TTC7B: variants seen among roughly 807,000 people sequenced by gnomAD.
TTC7B encodes the protein tetratricopeptide repeat domain 7B, also known as tetratricopeptide repeat protein 7B.
TTC7B carries 28 observed loss-of-function variants against 106.8 expected under a neutral mutation model. The observed-to-expected ratio is 0.26, with a 90% confidence interval of 0.19 to 0.36. The LOEUF is 0.36. Ranked by LOEUF, TTC7B falls within the 10% of genes least tolerant of loss-of-function variation. The pLI is 1.00. For synonymous variants in TTC7B, 405 were observed against 430.6 expected, an observed-to-expected ratio of 0.94 and a Z score of 0.74; for missense variants, 862 against 1,076.4, an observed-to-expected ratio of 0.80 and a Z score of 2.79.
chr14:90,604,188 C>T (rs879549669), intron 17 of TTC7B, among the ~76,000 whole-genome samples: 7 of 152,138 alleles, frequency 4.6e-5, no homozygotes, highest in Admixed American at 4.6e-4. Flanking sequence ...GGGAACATAC[C>T]ATGTTATTCT....
chr14:90,673,868 G>A (rs986251547), intron 9 of TTC7B, among the ~76,000 whole-genome samples: 2 of 152,090 alleles, frequency 1.3e-5, no homozygotes, highest in African/African-American at 4.8e-5. Context: ...ATATTTATAT[G>A]AAATACCCCA....
chr14:90,789,623 G>A (rs1006724395), intron 1 of TTC7B, among the ~76,000 whole-genome samples: 1 of 130,742 alleles, frequency 7.6e-6, no homozygotes, highest in East Asian at 2.1e-4. Context: ...TCAGCCGGGC[G>A]CGTGGCTCAC....
chr14:90,612,326 G>A (rs940846961), intron 16 of TTC7B, among the ~76,000 whole-genome samples: 7 of 152,210 alleles, frequency 4.6e-5, no homozygotes, highest in Non-Finnish European at 8.8e-5. Context: ...TCTGGCGCAG[G>A]TCTGTCCAGG....
In TTC7B at chr14:90,703,121, G is replaced by A. The variant is rs544423770; in HGVS notation, c.699-7543C>T. The stretch of plus-strand genomic sequence containing the variant: ...TCTGCTCCAGACCTGGCCAGAGCTG[G>A]AAGACAAGCATGAGGGCGGGGTCCC... On this transcript the variant is annotated intron_variant, in intron 5 of 19. Transcript: ENST00000328459. Among the ~76,000 whole-genome samples, 263 of 152,314 alleles carry A rather than the reference G, an allele frequency of 1.7e-3. 1 individual carries two copies. The highest frequency in any genetic ancestry group is 3.4e-3 in the Middle Eastern group (1 of 294).
chr14:90,556,871 T>C (rs1471053881), intron 19 of TTC7B, among the ~76,000 whole-genome samples: 1 of 152,026 alleles, frequency 6.6e-6, no homozygotes, highest in African/African-American at 2.4e-5. Flanking sequence ...CAGGGGAGAA[T>C]AGCAGGCCCA....
chr14:90,636,349 C>T (rs568964936), intron 15 of TTC7B, among the ~76,000 whole-genome samples: 22 of 144,962 alleles, frequency 1.5e-4, no homozygotes, highest in African/African-American at 5.1e-4. Context: ...TACCATAATA[C>T]ACAGCAACTC....
chr14:90,733,417 G>T (rs77621935), intron 4 of TTC7B, among the ~76,000 whole-genome samples: 11,949 of 152,238 alleles, frequency 0.078, 497 homozygotes, highest in East Asian at 0.16. Context: ...CACAAGGGCA[G>T]CCAGGAGGTG....
intron 3 of TTC7B, among the ~76,000 whole-genome samples, chr14:90,773,696 A>C (rs912537589): frequency 3.9e-5 from 6 of 152,218 alleles, no homozygotes; most frequent in African/African-American, 1.4e-4. Flanking sequence ...CTAACACTGA[A>C]CTTCATGCAG....
intron 3 of TTC7B, among the ~76,000 whole-genome samples, chr14:90,754,805 G>A (rs1027923152): frequency 6.6e-6 from 1 of 152,080 alleles, no homozygotes; most frequent in Non-Finnish European, 1.5e-5. Flanking sequence ...TCTTCTGGAT[G>A]GTTCACAGAA....
At position 90,530,015 on chromosome 14, in the gene TTC7B, T is replaced by C. The variant is rs1303913215; in HGVS notation, c.*11353A>G. On this transcript the variant is annotated 3_prime_UTR_variant, in exon 20 of 20. Coordinates refer to ENST00000328459, the MANE Select transcript of TTC7B (RefSeq NM_001010854.2). Reference sequence around the variant, plus strand: ...CGCTGTGGCTCACGCCTGTAAGTAATCCCAGCACTTTGGGAGGCCGAGGTG... The same window carrying C: ...CGCTGTGGCTCACGCCTGTAAGTAACCCCAGCACTTTGGGAGGCCGAGGTG... The C allele has an allele frequency of 6.6e-6, 1 of 152,238 alleles. No homozygotes were observed. The highest frequency in any genetic ancestry group is 6.5e-5 in the Admixed American group (1 of 15,280). 9.4% of individuals were successfully genotyped at this position (152,238 alleles called of 1,614,324 possible).
chr14:90,528,972 T>G lies in TTC7B; in HGVS notation c.*12396A>C, dbSNP rs1260814148. 6.4e-6 allele frequency: 1 copy of G among 155,138 alleles called. No individual in the cohort carries two copies. Among genetic ancestry groups the G allele is most frequent in the African/African-American group, 2.4e-5 (1 of 41,436 alleles). 9.6% of individuals were successfully genotyped at this position (155,138 alleles called of 1,614,324 possible). A position where few individuals can be genotyped will look rare whatever the true frequency, so the allele number is the denominator to read the frequency against. On this transcript the variant is annotated 3_prime_UTR_variant, in exon 20 of 20. Transcript: ENST00000328459. ...TTTGTTTCTGATGGTGTGACCTGAC[T>G]GCTTTGTTACCTGTTTCCAATGGCG...
intron 10 of TTC7B, chr14:90,658,096 T>C: frequency 3.5e-6 from 2 of 570,100 alleles, no homozygotes; most frequent in South Asian, 4.2e-5. Flanking sequence ...AAGACAAATA[T>C]TTCAGAATTT....
intron 2 of TTC7B, among the ~76,000 whole-genome samples, chr14:90,784,480 G>A (rs1432711805): frequency 2.0e-5 from 3 of 151,994 alleles, no homozygotes; most frequent in Non-Finnish European, 4.4e-5. Flanking sequence ...TGGCATGAGC[G>A]CGGGAGGCAG....
chr14:90,651,594 T>C (rs1885719538), intron 13 of TTC7B, among the ~76,000 whole-genome samples: 2 of 152,214 alleles, frequency 1.3e-5, no homozygotes, highest in African/African-American at 2.4e-5. Flanking sequence ...CTGGAGAATT[T>C]AAAACTCCAA....
chr14:90,680,580 A>C, intron 7 of TTC7B, 45 bp from the exon 8 acceptor site: 1 of 1,419,118 alleles, frequency 7.0e-7, no homozygotes, highest in Middle Eastern at 1.7e-4. Context: ...CAGTTTCAAA[A>C]TATACAAATA....
At chr14:90,643,245 A>G (rs1252430691) in intron 15 of TTC7B, among the ~76,000 whole-genome samples, 1 of 152,030 alleles carries the variant, frequency 6.6e-6, no homozygotes, top group African/African-American at 2.4e-5. Flanking sequence ...CGTCTCTACT[A>G]AAAATACAAA....
chr14:90,657,133 G>A lies in TTC7B; in HGVS notation c.1341+41C>T, dbSNP rs776691850. 6.4e-7 allele frequency: 1 copy of A among 1,559,136 alleles called. No individual in the cohort carries two copies. The highest frequency in any genetic ancestry group is 2.2e-5 in the East Asian group (1 of 44,600). On this transcript the variant is annotated intron_variant, in intron 11 of 19. Transcript: ENST00000328459. This position sits in a 1 kb window ranked among gnomAD's most constrained non-coding sequence, Gnocchi z 4.2. ...GAAAAAAATGGGCAGTCCTGGCCCA[G>A]AGTCCTCTGCAGGAGCGGGGAGGGG... is the stretch of plus-strand genomic sequence containing the variant.
intron 17 of TTC7B, chr14:90,603,414 T>C: frequency 1.6e-6 from 1 of 628,272 alleles, no homozygotes. Context: ...CAACTGTAAG[T>C]CTGGCTGTCT....
chr14:90,717,477 C>A (rs1192462896), intron 5 of TTC7B, among the ~76,000 whole-genome samples: 1 of 152,086 alleles, frequency 6.6e-6, no homozygotes, highest in Non-Finnish European at 1.5e-5. Context: ...CATTGCCATA[C>A]AAATATAAAG....
Sources: gnomAD v4.1 joint callset for allele counts (sites outside exome capture counted in the v4.1 genomes callset) on GRCh38, gnomAD v4.1.1 for gene constraint, Gnocchi (gnomAD v3.1) non-coding constraint, MANE v1.5 for transcripts, NCBI Gene and HGNC (gene_info 2026-07-23, HGNC 2026-07-21) for gene names.